TPH2: variants seen among roughly 807,000 people sequenced by gnomAD.
TPH2 encodes the protein tryptophan hydroxylase 2, also known as tryptophan 5-hydroxylase 2.
Under a neutral mutation model 59.1 loss-of-function variants are expected in TPH2, and 27 were observed. The ratio of observed to expected loss-of-function variants is 0.46; its 90% CI spans 0.34 to 0.63. TPH2 has a LOEUF of 0.63. Among genes scored for constraint, TPH2 ranks in the 30% least tolerant of loss-of-function variants. The pLI is 0.01. For missense variants in TPH2, 523 were observed against 588.3 expected (o/e 0.89, Z 1.15); for synonymous variants, 220 against 210.5 (o/e 1.05, Z -0.39).
chr12:71,981,629 G>A (rs560725292), intron 7 of TPH2, among the ~76,000 whole-genome samples: 68 of 152,270 alleles, frequency 4.5e-4, no homozygotes, highest in South Asian at 3.9e-3. Flanking sequence ...GGGCCCCTAA[G>A]GTAGGGCTAA....
chr12:71,985,210 G>A (rs760867281), intron 7 of TPH2, among the ~76,000 whole-genome samples: 7 of 152,208 alleles, frequency 4.6e-5, no homozygotes, highest in Non-Finnish European at 7.3e-5. Flanking sequence ...TGGTAAGTAC[G>A]TGAGTCAGGG....
intron 8 of TPH2, among the ~76,000 whole-genome samples, chr12:72,000,074 G>A (rs894396457): frequency 3.9e-5 from 6 of 152,200 alleles, no homozygotes; most frequent in Admixed American, 1.3e-4. Context: ...CATTGAACAT[G>A]TGTCAAAGAT....
At chr12:71,948,900 C>T (rs1366138087) in intron 4 of TPH2, among the ~76,000 whole-genome samples, 1 of 152,202 alleles carries the variant, frequency 6.6e-6, no homozygotes, top group Non-Finnish European at 1.5e-5. Context: ...AAGGATTTCA[C>T]TTGACTGAAA....
At chr12:71,999,118 G>T (rs758363098) in intron 8 of TPH2, among the ~76,000 whole-genome samples, 12 of 152,306 alleles carry the variant, frequency 7.9e-5, no homozygotes, top group Admixed American at 3.9e-4. Flanking sequence ...GTCCAAAGCA[G>T]CTTTTGAACT....
rs374630311 is a variant in TPH2 at position 71,948,852 on chromosome 12, GA to G, written c.541-735del. ...AGGAAAATGGAAAGTCTGTTGACAA[GA>G]GGAGAGATTTTTGGGTAAACCAAGA... is the stretch of plus-strand genomic sequence containing the variant. On this transcript the variant is annotated intron_variant, in intron 4 of 10. Coordinates refer to ENST00000333850, the MANE Select transcript of TPH2 (RefSeq NM_173353.4). Among the ~76,000 whole-genome samples the G allele has an allele frequency of 5.0e-3, 768 of 152,356 alleles. 9 individuals carry two copies. Among genetic ancestry groups the G allele is most frequent in the African/African-American group, 0.018 (736 of 41,582 alleles).
At chr12:72,001,551 G>A (rs768601940) in intron 8 of TPH2, among the ~76,000 whole-genome samples, 67 of 151,674 alleles carry the variant, frequency 4.4e-4, no homozygotes, top group Admixed American at 9.2e-4. Flanking sequence ...TCAGCCCCCC[G>A]GGTAGATGGG....
chr12:72,031,698 C>T lies in TPH2; in HGVS notation c.*3C>T, dbSNP rs1455189510. On this transcript the variant is annotated 3_prime_UTR_variant, in exon 11 of 11. Coordinates refer to ENST00000333850, the MANE Select transcript of TPH2 (RefSeq NM_173353.4). ...TGAACCAATATCTGGGGATTTGATG[C>T]CTGGAACTATGTTGTTGCCAGCATG... 3.1e-6 allele frequency: 5 copies of T among 1,613,282 alleles called. No individual in the cohort carries two copies. The highest frequency in any genetic ancestry group is 1.7e-4 in the Middle Eastern group (1 of 6,058).
intron 1 of TPH2, among the ~76,000 whole-genome samples, chr12:71,940,512 A>G (rs1007658405): frequency 1.3e-5 from 2 of 152,184 alleles, no homozygotes; most frequent in African/African-American, 4.8e-5. Flanking sequence ...TTTCATGAGG[A>G]TGTAGTAGAT....
chr12:71,984,744 T>C (rs2139213721), intron 7 of TPH2, among the ~76,000 whole-genome samples: 1 of 152,316 alleles, frequency 6.6e-6, no homozygotes. Flanking sequence ...AGTGCAGCAT[T>C]ATTACTGGTG....
At chr12:72,007,179 A>G (rs1454616772) in intron 8 of TPH2, among the ~76,000 whole-genome samples, 1 of 151,090 alleles carries the variant, frequency 6.6e-6, no homozygotes, top group African/African-American at 2.4e-5. Flanking sequence ...AATAGAGGTA[A>G]GGCCTCCCCT....
chr12:72,009,344 C>T (rs111916440), intron 8 of TPH2, among the ~76,000 whole-genome samples: 1,856 of 152,292 alleles, frequency 0.012, 35 homozygotes, highest in African/African-American at 0.04. Context: ...AAATAACTTA[C>T]CATGAGACAC....
chr12:72,022,266 CT>C lies in TPH2; in HGVS notation c.1069-131del, dbSNP rs1265369334. 1.4e-5 allele frequency: 10 copies of C among 706,672 alleles called. 1 individual carries two copies. The highest frequency in any genetic ancestry group is 3.5e-5 in the African/African-American group (2 of 56,904). 43.8% of individuals were successfully genotyped at this position (706,672 alleles called of 1,614,324 possible). A position where few individuals can be genotyped will look rare whatever the true frequency, so the allele number is the denominator to read the frequency against. On this transcript the variant is annotated intron_variant, in intron 8 of 10. Transcript: ENST00000333850. Reference sequence around the variant, plus strand: ...AAGAGAATAGATTTCAATAAATGTTCTTGATTTAAATGTATTTAAATTGATA... The same window carrying C: ...AAGAGAATAGATTTCAATAAATGTTCTGATTTAAATGTATTTAAATTGATA...
intron 9 of TPH2, among the ~76,000 whole-genome samples, chr12:72,023,903 A>G (rs147382219): frequency 2.5e-4 from 38 of 152,190 alleles, no homozygotes; most frequent in African/African-American, 8.7e-4. Context: ...TAGACATATT[A>G]ACCCATGTAA....
intron 8 of TPH2, among the ~76,000 whole-genome samples, chr12:72,019,080 T>G (rs938846978): frequency 6.6e-6 from 1 of 152,206 alleles, no homozygotes; most frequent in Admixed American, 6.5e-5. Flanking sequence ...TTATGCAAAT[T>G]TTTTAGAGGA....
At chr12:71,990,835 G>T (rs1872564878) in intron 7 of TPH2, among the ~76,000 whole-genome samples, 1 of 152,232 alleles carries the variant, frequency 6.6e-6, no homozygotes, top group East Asian at 1.9e-4. Context: ...GAGCTGAGAA[G>T]TGGGCACAAG....
At chr12:71,999,533 T>A (rs11179034) in intron 8 of TPH2, among the ~76,000 whole-genome samples, 46,288 of 152,024 alleles carry the variant, frequency 0.3, 7,295 homozygotes, top group East Asian at 0.49. Context: ...TTTTGAGACC[T>A]GCTATTTACC....
At chr12:72,007,068 G>A (rs1405628541) in intron 8 of TPH2, among the ~76,000 whole-genome samples, 2 of 152,058 alleles carry the variant, frequency 1.3e-5, no homozygotes, top group African/African-American at 2.4e-5. Context: ...AACAACTCAC[G>A]TTTCCCCTTC....
intron 9 of TPH2, among the ~76,000 whole-genome samples, chr12:72,025,838 T>A (rs1337322105): frequency 5.9e-5 from 9 of 152,242 alleles, no homozygotes; most frequent in Admixed American, 5.2e-4. Flanking sequence ...TTTCACACTT[T>A]TTCTCTTTAT....
intron 5 of TPH2, among the ~76,000 whole-genome samples, chr12:71,959,220 A>G (rs1871607312): frequency 6.6e-6 from 1 of 152,188 alleles, no homozygotes; most frequent in South Asian, 2.1e-4. Flanking sequence ...TGGAATGAAC[A>G]TATTGGATTT....
Sources: allele counts gnomAD v4.1 joint callset (sites outside exome capture counted in the v4.1 genomes callset), GRCh38; gene constraint gnomAD v4.1.1; transcripts MANE v1.5; gene names NCBI Gene and HGNC (gene_info 2026-07-23, HGNC 2026-07-21).